Variants in ASCL2 observed in about 807,000 individuals in gnomAD.
ASCL2 encodes the protein achaete-scute family bHLH transcription factor 2.
ASCL2 carries 6 observed loss-of-function variants against 5.1 expected under a neutral mutation model. That is an observed-to-expected ratio of 1.17 (90% CI 0.64 to 2.31). ASCL2 has a LOEUF of 2.31. Among genes scored for constraint, ASCL2 ranks in the 30% most tolerant of loss-of-function variants. The pLI, the probability that ASCL2 is intolerant of heterozygous loss-of-function variation, is 0.00. For synonymous variants in ASCL2, 174 were observed against 157.3 expected, an observed-to-expected ratio of 1.11 and a Z score of -0.80; for missense variants, 320 against 310.3, an observed-to-expected ratio of 1.03 and a Z score of -0.23.
chr11:2,269,789 C>T lies in ASCL2; in HGVS notation c.544G>A (p.Glu182Lys). 3 of 1,453,098 alleles carry T rather than the reference C, an allele frequency of 2.1e-6. No individual in the cohort carries two copies. Among genetic ancestry groups the T allele is most frequent in the Middle Eastern group, 2.0e-4 (1 of 5,110 alleles). 90.0% of individuals were successfully genotyped at this position (1,453,098 alleles called of 1,614,324 possible). Residue 182 changes from glutamate (E) to lysine (K), a missense_variant, in exon 1 of 2, where the codon GAG becomes AAG. Transcript: ENST00000331289. ...CEGALSPAER[E>K]LLDFSSWLGG... ...AACCAGCTGGAGAAGTCGAGTAGCT[C>T]GCGCTCCGCAGGACTCAGCGCGCCT...
In ASCL2 at chr11:2,269,781, G is replaced by C; in HGVS notation, c.552C>G (p.Leu184=). ...GALSPAEREL[L]DFSSWLGGY ...AGCCCCCTAACCAGCTGGAGAAGTCGAGTAGCTCGCGCTCCGCAGGACTCA... is the reference window on the plus strand; with the variant it reads ...AGCCCCCTAACCAGCTGGAGAAGTCCAGTAGCTCGCGCTCCGCAGGACTCA... Residue 184 remains leucine (L), a synonymous_variant, in exon 1 of 2, where the codon CTC becomes CTG. Transcript: ENST00000331289. 6.9e-7 allele frequency: 1 copy of C among 1,451,182 alleles called. No homozygotes were observed. 89.9% of individuals were successfully genotyped at this position (1,451,182 alleles called of 1,614,324 possible). A position where few individuals can be genotyped will look rare whatever the true frequency, so the allele number is the denominator to read the frequency against.
chr11:2,269,679 C>CCG (rs2133757087), intron 1 of ASCL2, 54 bp downstream of exon 1: 416 of 1,083,218 alleles, frequency 3.8e-4, no homozygotes, highest in Non-Finnish European at 4.7e-4. Flanking sequence ...CTGCCCACCC[C>CCG]GTCCCTCCAC....
chr11:2,269,166 G>C (rs1353196177), intron 1 of ASCL2, 40 bp from the exon 2 acceptor site: 1 of 151,986 alleles, frequency 6.6e-6, no homozygotes, highest in Non-Finnish European at 1.5e-5. Context: ...GCGTCAACGC[G>C]GGCGCGGGCC....
Position 2,269,811 on chromosome 11 carries a change from G to A in ASCL2, c.522C>T (p.Gly174=), listed in dbSNP as rs1354251580. The part of the protein sequence containing the change: ...AYSSDDSGCE[G]ALSPAERELL... ...GCTCGCGCTCCGCAGGACTCAGCGC[G>A]CCTTCGCAGCCGCTGTCGTCCGACG... is the stretch of plus-strand genomic sequence containing the variant. The change falls in exon 1 of 2, where the codon GGC becomes GGT. Residue 174 remains glycine, a synonymous_variant. Coordinates refer to ENST00000331289, the MANE Select transcript of ASCL2 (RefSeq NM_005170.3). 3 of 1,431,528 alleles carry A rather than the reference G, an allele frequency of 2.1e-6. No individual in the cohort carries two copies. Among genetic ancestry groups the A allele is most frequent in the African/African-American group, 1.5e-5 (1 of 67,360 alleles). 88.7% of individuals were successfully genotyped at this position (1,431,528 alleles called of 1,614,324 possible).
rs1299439088 is a variant in ASCL2, at chr11:2,270,165, A to G, written c.168T>C (p.Asn56=). 3.3e-6 allele frequency: 5 copies of G among 1,519,450 alleles called. No individual in the cohort carries two copies. Among genetic ancestry groups the G allele is most frequent in the Admixed American group, 2.1e-5 (1 of 48,400 alleles). The allele number at this position is 1,519,450 out of a possible 1,614,324, so 94.1% of individuals were successfully genotyped here. Residue 56 remains asparagine (N), a synonymous_variant, in exon 1 of 2, where the codon AAT becomes AAC. Coordinates refer to ENST00000331289, the MANE Select transcript of ASCL2 (RefSeq NM_005170.3). The part of the protein sequence containing the change: ...GGGAAAVARR[N]ERERNRVKLV... ...GCTTCACGCGGTTGCGCTCGCGCTC[A>G]TTGCGCCGCGCTACGGCCGCTGCGC...
intron 1 of ASCL2, 88 bp downstream of exon 1, chr11:2,269,645 T>G: frequency 8.5e-7 from 1 of 1,182,662 alleles, no homozygotes; most frequent in Non-Finnish European, 1.1e-6. Context: ...CTCCGCGGGC[T>G]CCTGGGGGCG....
At position 2,269,048 on chromosome 11, in the gene ASCL2, G is replaced by A. The variant is rs1195097283; in HGVS notation, c.*97C>T. On this transcript the variant is annotated 3_prime_UTR_variant, in exon 2 of 2. Coordinates refer to ENST00000331289, the MANE Select transcript of ASCL2 (RefSeq NM_005170.3). ...TGGGTGGGTCCCCGGCTCGCTGGGG[G>A]CGGAGCGCGGGCCGGTCCACCTGGC... The A allele has an allele frequency of 6.6e-6, 1 of 151,912 alleles. No individual in the cohort carries two copies. Among genetic ancestry groups the A allele is most frequent in the African/African-American group, 2.4e-5 (1 of 41,396 alleles). 9.4% of individuals were successfully genotyped at this position (151,912 alleles called of 1,614,324 possible). A position where few individuals can be genotyped will look rare whatever the true frequency, so the allele number is the denominator to read the frequency against.
In ASCL2 at chr11:2,269,934, C is replaced by A; in HGVS notation, c.399G>T (p.Pro133=). 1 of 1,280,552 alleles carries A rather than the reference C, an allele frequency of 7.8e-7. No individual in the cohort carries two copies. The highest frequency in any genetic ancestry group is 9.9e-7 in the Non-Finnish European group (1 of 1,010,876). 79.3% of individuals were successfully genotyped at this position (1,280,552 alleles called of 1,614,324 possible). The part of the protein sequence containing the change: ...QAVRPSAPRG[P]PGTTPVAASP... ...AGGCGGCGACCGGGGTGGTCCCTGG[C>A]GGCCCGCGGGGCGCAGACGGCCGCA... Residue 133 remains proline, a synonymous_variant, in exon 1 of 2, where the codon CCG becomes CCT. Coordinates refer to ENST00000331289, the MANE Select transcript of ASCL2 (RefSeq NM_005170.3).
rs927913284 is a variant in ASCL2, at chr11:2,270,455, G to A, written c.-123C>T. ...GGGGGCTTCTGGCACGGCGCCGCCA[G>A]GCAACTCCCCAGGGCACGCGTCCTA... On this transcript the variant is annotated 5_prime_UTR_variant, in exon 1 of 2. Transcript: ENST00000331289. 2.4e-6 allele frequency: 3 copies of A among 1,254,360 alleles called. No homozygotes were observed. Among genetic ancestry groups the A allele is most frequent in the African/African-American group, 3.1e-5 (2 of 63,970 alleles). The allele number at this position is 1,254,360 out of a possible 1,614,324, so 77.7% of individuals were successfully genotyped here.
At chr11:2,269,434 G>A (rs971379464) in intron 1 of ASCL2, among the ~76,000 whole-genome samples, 1 of 151,980 alleles carries the variant, frequency 6.6e-6, no homozygotes, top group Non-Finnish European at 1.5e-5. Flanking sequence ...ATCTGCCCCA[G>A]GATCCGCCAG....
At chr11:2,269,678 CCGT>C in intron 1 of ASCL2, 52 bp downstream of exon 1, 133 of 1,090,670 alleles carry the variant, frequency 1.2e-4, no homozygotes, top group Non-Finnish European at 1.5e-4. Context: ...CCTGCCCACC[CCGT>C]CCCTCCACCC....
chr11:2,270,005 C>T lies in ASCL2; in HGVS notation c.328G>A (p.Asp110Asn). Residue 110 changes from aspartate (D) to asparagine (N), a missense_variant, in exon 1 of 2, where the codon GAC becomes AAC. By Grantham distance (23) the Asp-to-Asn change is conservative. Transcript: ENST00000331289. ...CCCGCCAGCGCGTTGCGCACGGCGT[C>T]GTGCTCGGCCAGCAGGCGCTGCAGC... ...RALQRLLAEH[D>N]AVRNALAGGL... 2 of 1,364,638 alleles carry T rather than the reference C, an allele frequency of 1.5e-6. No individual in the cohort carries two copies. The highest frequency in any genetic ancestry group is 1.9e-6 in the Non-Finnish European group (2 of 1,057,344). The allele number at this position is 1,364,638 out of a possible 1,614,324, so 84.5% of individuals were successfully genotyped here.
At chr11:2,269,682 C>G (rs1276593481) in intron 1 of ASCL2, 51 bp downstream of exon 1, 348 of 558,736 alleles carry the variant, frequency 6.2e-4, no homozygotes, top group Non-Finnish European at 8.8e-4. Flanking sequence ...CCCACCCCGT[C>G]CCTCCACCCC....
At position 2,270,434 on chromosome 11, in the gene ASCL2, G is replaced by A; in HGVS notation, c.-102C>T. 5 of 1,252,214 alleles carry A rather than the reference G, an allele frequency of 4.0e-6. No individual in the cohort carries two copies. Among genetic ancestry groups the A allele is most frequent in the Non-Finnish European group, 1.0e-6 (1 of 993,936 alleles). 77.6% of individuals were successfully genotyped at this position (1,252,214 alleles called of 1,614,324 possible). ...GGGAAAACTGTGGCGCCCCAAGGGG[G>A]CTTCTGGCACGGCGCCGCCAGGCAA... On this transcript the variant is annotated 5_prime_UTR_variant, in exon 1 of 2. Transcript: ENST00000331289.
At chr11:2,269,681 T>TGCCAA in intron 1 of ASCL2, 52 bp downstream of exon 1, 1 of 688,782 alleles carries the variant, frequency 1.5e-6, no homozygotes, top group Non-Finnish European at 2.1e-6. Context: ...GCCCACCCCG[T>TGCCAA]CCCTCCACCC....
In ASCL2 at chr11:2,269,884, G is replaced by A; in HGVS notation, c.449C>T (p.Pro150Leu). 1 of 1,324,666 alleles carries A rather than the reference G, an allele frequency of 7.5e-7. No individual in the cohort carries two copies. Among genetic ancestry groups the A allele is most frequent in the Non-Finnish European group, 9.7e-7 (1 of 1,031,840 alleles). 82.1% of individuals were successfully genotyped at this position (1,324,666 alleles called of 1,614,324 possible). A position where few individuals can be genotyped will look rare whatever the true frequency, so the allele number is the denominator to read the frequency against. ...AASPSRASSS[P>L]GRGGSSEPGS... ...GGGCTCCGAGCTGCCCCCGCGGCCC[G>A]GGGACGAAGAAGCGCGGGAGGGCGA... The change falls in exon 1 of 2, where the codon CCG becomes CTG. Residue 150 changes from proline (P) to leucine (L), a missense_variant. Transcript: ENST00000331289.
At position 2,270,245 on chromosome 11, in the gene ASCL2, C is replaced by G; in HGVS notation, c.88G>C (p.Glu30Gln). 1 of 1,423,214 alleles carries G rather than the reference C, an allele frequency of 7.0e-7. No homozygotes were observed. The highest frequency in any genetic ancestry group is 9.1e-7 in the Non-Finnish European group (1 of 1,094,644). 88.2% of individuals were successfully genotyped at this position (1,423,214 alleles called of 1,614,324 possible). The change falls in exon 1 of 2, where the codon GAA becomes CAA. Residue 30 changes from glutamate (E) to glutamine (Q), a missense_variant. Physicochemically the swap from Glu to Gln is conservative, Grantham distance 29. Transcript: ENST00000331289. ...CAARRRPASPELLRCSRRRRP... is the reference protein window; with the variant it reads ...CAARRRPASPQLLRCSRRRRP... ...CGCCGCCGGCTGCAGCGCAACAGTT[C>G]CGGGGACGCGGGTCTCCGCCGGGCA... is the stretch of plus-strand genomic sequence containing the variant.
Position 2,269,591 on chromosome 11 carries a change from A to G in ASCL2, c.*18+142T>C, listed in dbSNP as rs117719092. On this transcript the variant is annotated intron_variant, in intron 1 of 1. Transcript: ENST00000331289. ...GGCTTGAAAAACTTTGGGGGAAATGAAGAGTGAGCGAAATCGAAGCCATCG... is the reference window on the plus strand; with the variant it reads ...GGCTTGAAAAACTTTGGGGGAAATGGAGAGTGAGCGAAATCGAAGCCATCG... 1.8e-3 allele frequency: 1,307 copies of G among 722,242 alleles called. 1 individual carries two copies. The highest frequency in any genetic ancestry group is 2.3e-3 in the Non-Finnish European group (1,170 of 512,156). The allele number at this position is 722,242 out of a possible 1,614,324, so 44.7% of individuals were successfully genotyped here.
chr11:2,269,680 G>GCCCCCCC, intron 1 of ASCL2, 53 bp downstream of exon 1: 1 of 380,052 alleles, frequency 2.6e-6, no homozygotes, highest in Non-Finnish European at 4.1e-6. Context: ...TGCCCACCCC[G>GCCCCCCC]TCCCTCCACC....
Sources: gnomAD v4.1 joint callset for allele counts (sites outside exome capture counted in the v4.1 genomes callset) on GRCh38, gnomAD v4.1.1 for gene constraint, MANE v1.5 for transcripts, NCBI Gene and HGNC (gene_info 2026-07-23, HGNC 2026-07-21) for gene names.